HIGD1A: variants seen among roughly 807,000 people sequenced by gnomAD.
The protein encoded by HIGD1A is HIG1 domain family member 1A, mitochondrial.
Under a neutral mutation model 11.3 loss-of-function variants are expected in HIGD1A, and 8 were observed. The ratio of observed to expected loss-of-function variants is 0.71; its 90% CI spans 0.42 to 1.28. The LOEUF (loss-of-function observed/expected upper bound fraction) is 1.28, where lower values mean the gene tolerates loss of function less well. Among genes scored for constraint, HIGD1A ranks in the 50% most tolerant of loss-of-function variants. The probability of loss-of-function intolerance (pLI) is 0.01; values close to 1 mark genes in which losing one functional copy is unlikely to be tolerated. For synonymous variants in HIGD1A, 32 were observed against 38.4 expected, an observed-to-expected ratio of 0.83 and a Z score of 0.62; for missense variants, 107 against 118.8, an observed-to-expected ratio of 0.90 and a Z score of 0.46.
At chr3:42,801,558 C>T (rs1196682284) in intron 1 of HIGD1A, among the ~76,000 whole-genome samples, 1 of 152,138 alleles carries the variant, frequency 6.6e-6, no homozygotes, top group African/African-American at 2.4e-5. Flanking sequence ...CAACTGAAAG[C>T]ATTCTTAGGT....
chr3:42,793,320 A>G (rs2125591675), intron 2 of HIGD1A, among the ~76,000 whole-genome samples: 1 of 152,172 alleles, frequency 6.6e-6, no homozygotes, highest in East Asian at 1.9e-4. Context: ...GAGACTGAAT[A>G]GCTAATTTCA....
chr3:42,794,315 T>G (rs1255563976), intron 1 of HIGD1A, 40 bp from the exon 2 acceptor site: 9 of 1,518,896 alleles, frequency 5.9e-6, no homozygotes, highest in Non-Finnish European at 7.9e-6. Flanking sequence ...ATTAAAAGCA[T>G]CTGAACATTA....
chr3:42,801,617 G>A (rs1486389235), intron 1 of HIGD1A, among the ~76,000 whole-genome samples: 1 of 152,170 alleles, frequency 6.6e-6, no homozygotes, highest in East Asian at 1.9e-4. Context: ...CAGATTTGTA[G>A]AGTTTAATCA....
In HIGD1A at chr3:42,790,014, G is replaced by A. The variant is rs142107174; in HGVS notation, c.98-3852C>T. 5.2e-4 allele frequency among the ~76,000 whole-genome samples: 79 copies of A among 152,082 alleles called. No homozygotes were observed. The East Asian group carries it at 0.013, about 25-fold the overall frequency. ...TGGGATTACAGGAATGAGCCAAAGT[G>A]CTCAGCCTTATTTTTTATTAAAAAA... On this transcript the variant is annotated intron_variant, in intron 2 of 3. Coordinates refer to ENST00000321331, the MANE Select transcript of HIGD1A (RefSeq NM_014056.4).
intron 2 of HIGD1A, among the ~76,000 whole-genome samples, chr3:42,787,275 G>A (rs1330627839): frequency 3.3e-5 from 5 of 151,856 alleles, no homozygotes; most frequent in Non-Finnish European, 5.9e-5. Flanking sequence ...AAGAATAGCC[G>A]CAGAACTTCC....
chr3:42,789,063 C>T (rs373881994), intron 2 of HIGD1A, among the ~76,000 whole-genome samples: 14 of 83,912 alleles, frequency 1.7e-4, no homozygotes, highest in African/African-American at 5.4e-4. Context: ...TTTTTTGAGA[C>T]GGAGTCTTGT....
At chr3:42,789,501 CA>C (rs11291677) in intron 2 of HIGD1A, among the ~76,000 whole-genome samples, 123,074 of 127,510 alleles carry the variant, frequency 0.97, 59,337 homozygotes, top group East Asian at 0.99. Flanking sequence ...CCTGTGTCTA[CA>C]AAAAAAAAAA....
chr3:42,789,849 T>C (rs1009058517), intron 2 of HIGD1A, among the ~76,000 whole-genome samples: 2 of 152,148 alleles, frequency 1.3e-5, no homozygotes, highest in Admixed American at 6.6e-5. Flanking sequence ...GCCTCCCAAG[T>C]AGCTGGGACT....
intron 1 of HIGD1A, among the ~76,000 whole-genome samples, chr3:42,803,623 C>G (rs1021438633): frequency 6.6e-6 from 1 of 152,210 alleles, no homozygotes; most frequent in Non-Finnish European, 1.5e-5. Context: ...CTCCAAAGTG[C>G]CTTTGTACTT....
At position 42,804,440 on chromosome 3, in the gene HIGD1A, A is replaced by C. The variant is rs1015681652; in HGVS notation, c.-27T>G. On this transcript the variant is annotated 5_prime_UTR_variant, in exon 1 of 4. Coordinates refer to ENST00000321331, the MANE Select transcript of HIGD1A (RefSeq NM_014056.4). ...CCCCCGGCTTGTTTCGCTTACCTAG[A>C]GCGAGAAAACCTCTCACACCCCAAC... is the stretch of plus-strand genomic sequence containing the variant. 19 of 478,428 alleles carry C rather than the reference A, an allele frequency of 4.0e-5. No individual in the cohort carries two copies. Among genetic ancestry groups the C allele is most frequent in the African/African-American group, 3.2e-4 (16 of 49,592 alleles). 29.6% of individuals were successfully genotyped at this position (478,428 alleles called of 1,614,324 possible).
At chr3:42,800,636 CTTT>C (rs140588443) in intron 1 of HIGD1A, among the ~76,000 whole-genome samples, 4 of 150,210 alleles carry the variant, frequency 2.7e-5, no homozygotes, top group African/African-American at 9.8e-5. Flanking sequence ...AGTTACAAAA[CTTT>C]TTTTTTAACA....
chr3:42,796,580 C>A (rs1700503146), intron 1 of HIGD1A, among the ~76,000 whole-genome samples: 3 of 151,998 alleles, frequency 2.0e-5, no homozygotes, highest in Admixed American at 2.0e-4. Flanking sequence ...TGTGGGAGAC[C>A]AGGATTTTTA....
At chr3:42,788,423 A>G (rs1283259850) in intron 2 of HIGD1A, among the ~76,000 whole-genome samples, 2 of 152,232 alleles carry the variant, frequency 1.3e-5, no homozygotes, top group African/African-American at 4.8e-5. Flanking sequence ...TTATCCCCAA[A>G]AGATAAAGAC....
Position 42,792,534 on chromosome 3 carries a change from C to T in HIGD1A, c.97+1623G>A, listed in dbSNP as rs1030420055. 4.0e-5 allele frequency among the ~76,000 whole-genome samples: 6 copies of T among 151,836 alleles called. No homozygotes were observed. In the East Asian group the frequency reaches 5.8e-4, roughly 15 times the overall value. The stretch of plus-strand genomic sequence containing the variant: ...TAAAAGATAGAAAAAATTAGCCAGG[C>T]GTGGTGGCGAGCACCTGTAGTCCCA... On this transcript the variant is annotated intron_variant, in intron 2 of 3. Transcript: ENST00000321331.
intron 3 of HIGD1A, 119 bp from the exon 4 acceptor site, chr3:42,785,439 G>A (rs1030067342): frequency 4.0e-6 from 3 of 744,406 alleles, no homozygotes; most frequent in Middle Eastern, 5.2e-4. Flanking sequence ...TTTACAAGGG[G>A]AATAAGACCC....
At chr3:42,795,311 C>A (rs1700482035) in intron 1 of HIGD1A, among the ~76,000 whole-genome samples, 1 of 151,718 alleles carries the variant, frequency 6.6e-6, no homozygotes, top group Non-Finnish European at 1.5e-5. Context: ...CTCTGCCTCC[C>A]AGGTTCAAGT....
Position 42,804,431 on chromosome 3 carries a change from C to T in HIGD1A, c.-23+5G>A, listed in dbSNP as rs1004330416. 1 of 490,662 alleles carries T rather than the reference C, an allele frequency of 2.0e-6. No homozygotes were observed. The highest frequency in any genetic ancestry group is 3.6e-6 in the Non-Finnish European group (1 of 276,962). The allele number at this position is 490,662 out of a possible 1,614,324, so 30.4% of individuals were successfully genotyped here. A position where few individuals can be genotyped will look rare whatever the true frequency, so the allele number is the denominator to read the frequency against. On this transcript the variant is annotated splice_donor_5th_base_variant and intron_variant, in intron 1 of 3. Transcript: ENST00000321331. ...GCTCGCAGTCCCCCGGCTTGTTTCG[C>T]TTACCTAGAGCGAGAAAACCTCTCA...
At chr3:42,804,071 T>G in intron 1 of HIGD1A, 1 of 1,265,568 alleles carries the variant, frequency 7.9e-7, no homozygotes, top group Non-Finnish European at 1.1e-6. Flanking sequence ...CCGGGGAAGC[T>G]CCCGCTCCTC....
At chr3:42,795,598 T>G (rs1254473786) in intron 1 of HIGD1A, among the ~76,000 whole-genome samples, 1 of 152,152 alleles carries the variant, frequency 6.6e-6, no homozygotes, top group Non-Finnish European at 1.5e-5. Context: ...GCTTCAGATC[T>G]GCCTTCATTT....
Sources: allele counts gnomAD v4.1 joint callset (sites outside exome capture counted in the v4.1 genomes callset), GRCh38; gene constraint gnomAD v4.1.1; transcripts MANE v1.5; gene names NCBI Gene and HGNC (gene_info 2026-07-23, HGNC 2026-07-21).